TIAM1: variants seen among roughly 807,000 people sequenced by gnomAD.
TIAM1 encodes TIAM Rac1 associated GEF 1, also known as rho guanine nucleotide exchange factor TIAM1.
A neutral mutation model predicts 163.5 loss-of-function variants in TIAM1; 65 were observed. That is an observed-to-expected ratio of 0.40 (90% CI 0.33 to 0.49). The LOEUF (loss-of-function observed/expected upper bound fraction) is 0.49. TIAM1 is among the 20% of genes least tolerant of loss of function. The probability of loss-of-function intolerance (pLI) is 0.77; values close to 1 mark genes in which losing one functional copy is unlikely to be tolerated. For missense variants in TIAM1, 1,789 were observed against 2,044.7 expected, an observed-to-expected ratio of 0.87 and a Z score of 2.41; for synonymous variants, 833 against 810.1, an observed-to-expected ratio of 1.03 and a Z score of -0.48.
At chr21:31,150,437 T>C (rs1322368133) in intron 19 of TIAM1, among the ~76,000 whole-genome samples, 1 of 152,078 alleles carries the variant, frequency 6.6e-6, no homozygotes, top group Non-Finnish European at 1.5e-5. Context: ...TATGAACAGC[T>C]CATTCTTAAC....
chr21:31,119,139 C>A lies in TIAM1; in HGVS notation c.*1229G>T. 1 of 151,466 alleles carries A rather than the reference C, an allele frequency of 6.6e-6. No homozygotes were observed. The highest frequency in any genetic ancestry group is 2.5e-5 in the African/African-American group (1 of 40,666). 9.4% of individuals were successfully genotyped at this position (151,466 alleles called of 1,614,324 possible). On this transcript the variant is annotated 3_prime_UTR_variant, in exon 28 of 28. Transcript: ENST00000541036. ...AAAAAAAAAATTGAAAGTGCTATAA[C>A]TTGTTTTTCTTCTTAGTATTTGGAT...
intron 4 of TIAM1, among the ~76,000 whole-genome samples, chr21:31,262,000 C>T (rs2072502786): frequency 6.6e-6 from 1 of 152,192 alleles, no homozygotes; most frequent in African/African-American, 2.4e-5. Context: ...GCCAAAGCTT[C>T]CCACAGAACA....
At chr21:31,340,551 G>A (rs2075982374) in intron 1 of TIAM1, among the ~76,000 whole-genome samples, 2 of 152,112 alleles carry the variant, frequency 1.3e-5, no homozygotes, top group Admixed American at 6.5e-5. Context: ...AATTTTTAGA[G>A]AGGGGGTCTC....
chr21:31,483,353 G>A (rs568012191), intron 1 of TIAM1, among the ~76,000 whole-genome samples: 8 of 152,256 alleles, frequency 5.3e-5, no homozygotes, highest in South Asian at 2.1e-4. Context: ...AGTGGGTCTC[G>A]TGCCAAGAAG....
chr21:31,208,265 C>T (rs1041615098), intron 11 of TIAM1, among the ~76,000 whole-genome samples: 16 of 152,178 alleles, frequency 1.1e-4, no homozygotes, highest in African/African-American at 1.7e-4. Context: ...GCTTAACCTT[C>T]GATTCCTGAT....
intron 16 of TIAM1, among the ~76,000 whole-genome samples, chr21:31,159,914 G>A (rs1203907710): frequency 6.6e-6 from 1 of 152,272 alleles, no homozygotes; most frequent in East Asian, 1.9e-4. Context: ...CCAGTAACAC[G>A]TCCCCTGAGC....
At chr21:31,122,240 C>T (rs1035949440) in intron 27 of TIAM1, among the ~76,000 whole-genome samples, 1 of 152,040 alleles carries the variant, frequency 6.6e-6, no homozygotes, top group African/African-American at 2.4e-5. Flanking sequence ...AAGCCATTTC[C>T]AGGCAAAATG....
intron 2 of TIAM1, among the ~76,000 whole-genome samples, chr21:31,371,582 C>G (rs1438142875): frequency 6.6e-6 from 1 of 152,152 alleles, no homozygotes; most frequent in Non-Finnish European, 1.5e-5. Context: ...ACAAGAGCAA[C>G]GTTTCTCTAG....
intron 2 of TIAM1, among the ~76,000 whole-genome samples, chr21:31,397,569 T>C (rs1008507749): frequency 3.9e-5 from 6 of 152,170 alleles, no homozygotes; most frequent in African/African-American, 1.2e-4. Context: ...AGTTGCCCAA[T>C]ATCCCCGCGC....
At chr21:31,297,983 A>C (rs2074353433) in intron 2 of TIAM1, among the ~76,000 whole-genome samples, 1 of 152,226 alleles carries the variant, frequency 6.6e-6, no homozygotes, top group South Asian at 2.1e-4. Flanking sequence ...TGCTATTTGC[A>C]GGGTGCTTCA....
At chr21:31,343,393 GC>G (rs1448805459) in intron 1 of TIAM1, among the ~76,000 whole-genome samples, 3 of 152,140 alleles carry the variant, frequency 2.0e-5, no homozygotes, top group African/African-American at 7.2e-5. Flanking sequence ...AATGATCCCA[GC>G]CCCCAGCACC....
Position 31,124,664 on chromosome 21 carries a change from C to T in TIAM1, c.4164G>A (p.Lys1388=), listed in dbSNP as rs757791627. The T allele has an allele frequency of 3.6e-5, 57 of 1,601,538 alleles. 1 individual carries two copies. In the Middle Eastern group the frequency reaches 5.7e-3, roughly 159 times the overall value. The change falls in exon 27 of 28, where the codon AAG becomes AAA. Residue 1388 remains lysine, a synonymous_variant. Transcript: ENST00000541036. The part of the protein sequence containing the change: ...SSPESRKDFL[K]AVHSILRDKH... Reference sequence around the variant, plus strand: ...TATCACGCAGGATTGAATGCACAGCCTTTAGGAAATCCTTTCGGCTCTCTG... The same window carrying T: ...TATCACGCAGGATTGAATGCACAGCTTTTAGGAAATCCTTTCGGCTCTCTG...
intron 4 of TIAM1, among the ~76,000 whole-genome samples, chr21:31,261,981 C>T (rs183219359): frequency 3.3e-5 from 5 of 152,276 alleles, no homozygotes; most frequent in Non-Finnish European, 5.9e-5. Flanking sequence ...GCATGCACAA[C>T]GGCTCCACGC....
Position 31,181,756 on chromosome 21 carries a change from CTTTTTTTTTTTTTTTTT to C in TIAM1, c.2887+648_2887+664del, listed in dbSNP as rs781153297. 3.3e-3 allele frequency among the ~76,000 whole-genome samples: 137 copies of C among 41,322 alleles called. 9 individuals are homozygous for C. Among genetic ancestry groups the C allele is most frequent in the Middle Eastern group, 0.016 (1 of 62 alleles). 27.1% of individuals were successfully genotyped at this position (41,322 alleles called of 152,430 possible). On this transcript the variant is annotated intron_variant, in intron 15 of 27. Coordinates refer to ENST00000541036, the MANE Select transcript of TIAM1 (RefSeq NM_001353694.2). ...CCCAGCACTTCTTCTTCTTCTTCTTCTTTTTTTTTTTTTTTTTTTTTTTTTTTTTTTTTTTTTTTTTT... is the reference window on the plus strand; with the variant it reads ...CCCAGCACTTCTTCTTCTTCTTCTTCTTTTTTTTTTTTTTTTTTTTTTTTT...
chr21:31,120,712 C>T lies in TIAM1; in HGVS notation c.4432G>A (p.Gly1478Arg), dbSNP rs772268816. 36 of 1,613,880 alleles carry T rather than the reference C, an allele frequency of 2.2e-5. No homozygotes were observed. The African/African-American group carries it at 3.1e-4, about 14-fold the overall frequency. Residue 1478 changes from glycine to arginine, a missense_variant, in exon 28 of 28, where the codon GGG (glycine) becomes AGG (arginine). Transcript: ENST00000541036. The surrounding 1 kb of genome is among the most constrained non-coding windows in gnomAD (Gnocchi z 4.2). The stretch of plus-strand genomic sequence containing the variant: ...TCCTCTACCCATCGGTCAGTGTCCC[C>T]ACCACCGGGGGGCTGCTGGGACTCT... ...EKESQQPPGG[G>R]DTDRWVEEQF...
intron 1 of TIAM1, among the ~76,000 whole-genome samples, chr21:31,478,124 A>T (rs1484838594): frequency 6.6e-6 from 1 of 152,244 alleles, no homozygotes; most frequent in African/African-American, 2.4e-5. Context: ...GGCCTTATTG[A>T]GCAGGTGTGA....
chr21:31,285,252 T>C (rs2073755379), intron 2 of TIAM1, among the ~76,000 whole-genome samples: 1 of 152,116 alleles, frequency 6.6e-6, no homozygotes, highest in Non-Finnish European at 1.5e-5. Flanking sequence ...CACTCTGGAA[T>C]CAGGGAAGAG....
At chr21:31,517,617 G>C (rs776654481) in intron 1 of TIAM1, among the ~76,000 whole-genome samples, 5 of 152,088 alleles carry the variant, frequency 3.3e-5, no homozygotes, top group Admixed American at 1.3e-4. Flanking sequence ...AAGGAATGCC[G>C]GTACCATGGT....
At chr21:31,481,288 C>T (rs976560132) in intron 1 of TIAM1, among the ~76,000 whole-genome samples, 1 of 152,168 alleles carries the variant, frequency 6.6e-6, no homozygotes, top group Non-Finnish European at 1.5e-5. Flanking sequence ...TAAGCCATAG[C>T]TCCTTGTTGG....
Sources: allele counts gnomAD v4.1 joint callset (sites outside exome capture counted in the v4.1 genomes callset), GRCh38; gene constraint gnomAD v4.1.1; non-coding constraint Gnocchi (gnomAD v3.1); transcripts MANE v1.5; gene names NCBI Gene and HGNC (gene_info 2026-07-23, HGNC 2026-07-21).